The following TIAM2 variants were observed in gnomAD, a reference collection of about 807,000 sequenced individuals.
TIAM2 encodes TIAM Rac1 associated GEF 2, also known as rho guanine nucleotide exchange factor TIAM2.
A neutral mutation model predicts 152.9 loss-of-function variants in TIAM2; 80 were observed. The ratio of observed to expected loss-of-function variants is 0.52; its 90% CI spans 0.44 to 0.63. The LOEUF (loss-of-function observed/expected upper bound fraction) is 0.63. TIAM2 is among the 30% of genes least tolerant of loss of function. TIAM2 has a pLI of 0.00. For missense variants in TIAM2, 1,965 were observed against 2,120.1 expected (o/e 0.93, Z 1.44); for synonymous variants, 804 against 838.0 (o/e 0.96, Z 0.70).
chr6:155,037,894 A>G (rs1347046634), intron 1 of TIAM2, among the ~76,000 whole-genome samples: 4 of 151,974 alleles, frequency 2.6e-5, no homozygotes, highest in Non-Finnish European at 4.4e-5. Flanking sequence ...TTTTATCTGA[A>G]GTTGCTGTTG....
chr6:155,163,298 C>A (rs1412800023), intron 7 of TIAM2, among the ~76,000 whole-genome samples: 2 of 152,202 alleles, frequency 1.3e-5, no homozygotes, highest in Non-Finnish European at 2.9e-5. Flanking sequence ...TTTTGAATCA[C>A]AGCTTTCTGT....
At chr6:155,123,185 G>A (rs1312318704) in intron 2 of TIAM2, among the ~76,000 whole-genome samples, 1 of 148,072 alleles carries the variant, frequency 6.8e-6, no homozygotes, top group Non-Finnish European at 1.5e-5. Flanking sequence ...GTTTAAGGCT[G>A]TTTTTTTTTT....
chr6:155,071,548 C>G (rs982104242), intron 1 of TIAM2, among the ~76,000 whole-genome samples: 2 of 152,210 alleles, frequency 1.3e-5, no homozygotes, highest in African/African-American at 4.8e-5. Context: ...GTGAATACTT[C>G]CTGCATAGCA....
At chr6:155,187,573 C>CCTTTTTTTTTTTTTT (rs1189509294) in intron 14 of TIAM2, among the ~76,000 whole-genome samples, 8 of 49,614 alleles carry the variant, frequency 1.6e-4, no homozygotes, top group African/African-American at 6.3e-4. Context: ...ACCCCGCCCC[C>CCTTTTTTTTTTTTTT]TTTTTTTTTT....
chr6:155,126,215 G>A (rs1339270044), intron 2 of TIAM2, among the ~76,000 whole-genome samples: 2 of 152,080 alleles, frequency 1.3e-5, no homozygotes, highest in Non-Finnish European at 2.9e-5. Flanking sequence ...AGTGAAATAA[G>A]CCAGTTGCAA....
chr6:155,015,980 A>G (rs1450267297), intron 1 of TIAM2, among the ~76,000 whole-genome samples: 2 of 151,384 alleles, frequency 1.3e-5, no homozygotes, highest in Admixed American at 1.3e-4. Context: ...AAAACTCCAA[A>G]CAAACCTTTA....
Position 155,245,241 on chromosome 6 carries a change from A to T in TIAM2, c.3544-382A>T, listed in dbSNP as rs770428587. On this transcript the variant is annotated intron_variant, in intron 18 of 26. Coordinates refer to ENST00000682666, the MANE Select transcript of TIAM2 (RefSeq NM_012454.4). The stretch of plus-strand genomic sequence containing the variant: ...CCGTGTAAGCCGCAGTGTGGCAGGA[A>T]GCCCCTCCAAGGGGACCTGGAACCA... Among the ~76,000 whole-genome samples, 11 of 152,344 alleles carry T rather than the reference A, an allele frequency of 7.2e-5. 4 individuals are homozygous for T. The highest frequency in any genetic ancestry group is 6.5e-4 in the Admixed American group (10 of 15,306).
At chr6:155,241,104 C>T (rs908118484) in intron 16 of TIAM2, among the ~76,000 whole-genome samples, 1 of 152,166 alleles carries the variant, frequency 6.6e-6, no homozygotes, top group Non-Finnish European at 1.5e-5. Context: ...ACAGTCTTGG[C>T]GGTGGCCCGG....
At chr6:155,239,002 C>T (rs1782902032) in intron 15 of TIAM2, among the ~76,000 whole-genome samples, 1 of 152,134 alleles carries the variant, frequency 6.6e-6, no homozygotes, top group Non-Finnish European at 1.5e-5. Flanking sequence ...TGAGAGTGGC[C>T]TCTTTTTATT....
At chr6:155,192,065 C>G (rs2115168029) in intron 14 of TIAM2, among the ~76,000 whole-genome samples, 1 of 152,036 alleles carries the variant, frequency 6.6e-6, no homozygotes, top group Middle Eastern at 3.4e-3. Context: ...TCACAGGGGT[C>G]TTTACTGGAG....
chr6:155,072,239 T>C (rs1490527818), intron 1 of TIAM2, among the ~76,000 whole-genome samples: 1 of 152,142 alleles, frequency 6.6e-6, no homozygotes, highest in East Asian at 1.9e-4. Flanking sequence ...AATTGGTGTT[T>C]TAGAATTTTC....
chr6:155,154,885 G>A (rs1780067213), intron 7 of TIAM2, among the ~76,000 whole-genome samples: 1 of 152,194 alleles, frequency 6.6e-6, no homozygotes, highest in South Asian at 2.1e-4. Context: ...TCATAAAGAG[G>A]ACGGATTGCG....
chr6:155,003,108 TTATAA>T (rs1346363089), intron 1 of TIAM2, among the ~76,000 whole-genome samples: 2 of 152,182 alleles, frequency 1.3e-5, no homozygotes, highest in African/African-American at 2.4e-5. Flanking sequence ...TTTAAAAGTA[TTATAA>T]TATGATTATG....
chr6:155,001,387 C>T (rs1778309622), intron 1 of TIAM2, among the ~76,000 whole-genome samples: 1 of 152,168 alleles, frequency 6.6e-6, no homozygotes, highest in Non-Finnish European at 1.5e-5. Flanking sequence ...TTAGCATGCC[C>T]TTAATTGTAA....
chr6:155,192,699 T>A (rs1781235978), intron 14 of TIAM2, among the ~76,000 whole-genome samples: 1 of 152,226 alleles, frequency 6.6e-6, no homozygotes, highest in South Asian at 2.1e-4. Flanking sequence ...TTCTTTAATG[T>A]GCATCTTAAT....
Position 155,187,573 on chromosome 6 carries a change from C to CTTTTTTTTT in TIAM2, c.3064+4088_3064+4096dup, listed in dbSNP as rs59818801. Among the ~76,000 whole-genome samples the CTTTTTTTTT allele has an allele frequency of 2.3e-3, 116 of 49,614 alleles. 3 individuals are homozygous for CTTTTTTTTT. The highest frequency in any genetic ancestry group is 8.0e-3 in the African/African-American group (101 of 12,656). 32.5% of individuals were successfully genotyped at this position (49,614 alleles called of 152,430 possible). A position where few individuals can be genotyped will look rare whatever the true frequency, so the allele number is the denominator to read the frequency against. On this transcript the variant is annotated intron_variant, in intron 14 of 26. Transcript: ENST00000682666. ...AACCCCCCCTCCCCCACCCCGCCCC[C>CTTTTTTTTT]TTTTTTTTTTTTTTTTTTTTTTTGA...
At chr6:155,104,573 C>T (rs922658141) in intron 2 of TIAM2, among the ~76,000 whole-genome samples, 4 of 151,972 alleles carry the variant, frequency 2.6e-5, no homozygotes, top group South Asian at 2.1e-4. Flanking sequence ...CTGGCTAACA[C>T]AGTGAAACCC....
At chr6:155,014,664 G>A (rs948276869) in intron 1 of TIAM2, among the ~76,000 whole-genome samples, 1 of 152,218 alleles carries the variant, frequency 6.6e-6, no homozygotes, top group African/African-American at 2.4e-5. Context: ...ACACTCAATT[G>A]TGAGTTCTTG....
In TIAM2 at chr6:155,041,770, G is replaced by A. The variant is rs895210151; in HGVS notation, c.-209+46278G>A. On this transcript the variant is annotated intron_variant, in intron 1 of 26. Coordinates refer to ENST00000682666, the MANE Select transcript of TIAM2 (RefSeq NM_012454.4). ...TAAGATTTGTTTTACAGTGAGCTCC[G>A]TAGGTTTTCTCTCTTCATCTGAGGT... Among the ~76,000 whole-genome samples the A allele has an allele frequency of 3.3e-5, 5 of 152,162 alleles. No homozygotes were observed. In the East Asian group the frequency reaches 5.8e-4, roughly 18 times the overall value.
Sources: allele counts gnomAD v4.1 joint callset (sites outside exome capture counted in the v4.1 genomes callset), GRCh38; gene constraint gnomAD v4.1.1; transcripts MANE v1.5; gene names NCBI Gene and HGNC (gene_info 2026-07-23, HGNC 2026-07-21).